The following POLR3B variants were observed in gnomAD, a reference collection of about 807,000 sequenced individuals.
The protein encoded by POLR3B is DNA-directed RNA polymerase III subunit RPC2.
POLR3B carries 96 observed loss-of-function variants against 147.4 expected under a neutral mutation model. The ratio of observed to expected loss-of-function variants is 0.65; its 90% CI spans 0.55 to 0.77. The LOEUF (loss-of-function observed/expected upper bound fraction) is 0.77, where lower values mean the gene tolerates loss of function less well. Ranked by LOEUF, POLR3B falls within the 30% of genes least tolerant of loss-of-function variation. The pLI is 0.00. For synonymous variants in POLR3B, 461 were observed against 485.9 expected (o/e 0.95, Z 0.67); for missense variants, 1,036 against 1,413.5 (o/e 0.73, Z 4.28).
chr12:106,403,196 G>T (rs1157196599), intron 10 of POLR3B, among the ~76,000 whole-genome samples: 1 of 151,778 alleles, frequency 6.6e-6, no homozygotes, highest in Non-Finnish European at 1.5e-5. Context: ...GCAGCCAAAA[G>T]ACACATGAAA....
Position 106,377,947 on chromosome 12 carries a change from G to A in POLR3B, c.497-320G>A, listed in dbSNP as rs145436171. ...TACAAAAAATTTAAAAATTAGCTAC[G>A]TGTGGTGGCACATGCCTCTAGTCCT... is the stretch of plus-strand genomic sequence containing the variant. On this transcript the variant is annotated intron_variant, in intron 7 of 27. Coordinates refer to ENST00000228347, the MANE Select transcript of POLR3B (RefSeq NM_018082.6). 5.3e-5 allele frequency among the ~76,000 whole-genome samples: 8 copies of A among 152,236 alleles called. No homozygotes were observed. In the East Asian group the frequency reaches 5.8e-4, roughly 11 times the overall value.
At chr12:106,397,636 A>C (rs1023873696) in intron 10 of POLR3B, among the ~76,000 whole-genome samples, 3 of 152,168 alleles carry the variant, frequency 2.0e-5, no homozygotes, top group African/African-American at 7.2e-5. Context: ...AGATTCATCC[A>C]AGTTATTTCT....
intron 19 of POLR3B, among the ~76,000 whole-genome samples, chr12:106,447,573 A>G (rs1341275882): frequency 6.6e-6 from 1 of 152,188 alleles, no homozygotes. Context: ...TCACTCGCTC[A>G]GCACTACCAG....
chr12:106,419,955 A>G (rs958136685), intron 12 of POLR3B, among the ~76,000 whole-genome samples: 4 of 151,948 alleles, frequency 2.6e-5, no homozygotes, highest in African/African-American at 9.7e-5. Flanking sequence ...GGACTTGGCT[A>G]TTTGATTCTT....
intron 9 of POLR3B, among the ~76,000 whole-genome samples, chr12:106,384,992 A>G (rs2036815738): frequency 6.6e-6 from 1 of 151,912 alleles, no homozygotes; most frequent in East Asian, 1.9e-4. Context: ...CGCCCAGCTA[A>G]TTTTTGTATT....
intron 10 of POLR3B, among the ~76,000 whole-genome samples, chr12:106,400,392 T>C (rs534792092): frequency 6.6e-6 from 1 of 152,226 alleles, no homozygotes; most frequent in African/African-American, 2.4e-5. Flanking sequence ...ATGGGAGACT[T>C]TAACACCCCA....
rs144860787 is a variant in POLR3B at position 106,477,832 on chromosome 12, C to T, written c.2713+14212C>T. Among the ~76,000 whole-genome samples the T allele has an allele frequency of 6.8e-3, 1,028 of 150,152 alleles. 8 individuals are homozygous for T. The highest frequency in any genetic ancestry group is 0.024 in the African/African-American group (981 of 40,412). ...CAGAAATCACCCGTCTTCTGCGTCG[C>T]TCACGGGCTGGGAGCTGTAGACGGG... is the stretch of plus-strand genomic sequence containing the variant. On this transcript the variant is annotated intron_variant, in intron 23 of 27. Transcript: ENST00000228347.
At chr12:106,410,783 A>G in intron 11 of POLR3B, 43 bp from the exon 12 acceptor site, 1 of 1,573,978 alleles carries the variant, frequency 6.4e-7, no homozygotes, top group Non-Finnish European at 8.7e-7. Flanking sequence ...TTAAATTTTA[A>G]TGTCCATTTT....
chr12:106,405,713 C>T (rs1480089529), intron 10 of POLR3B, 144 bp from the exon 11 acceptor site: 5 of 757,128 alleles, frequency 6.6e-6, no homozygotes, highest in South Asian at 1.6e-5. Flanking sequence ...TTATGATAAA[C>T]GTTGATTTTC....
At chr12:106,429,458 ATACTGTTTTC>A (rs1381901355) in intron 13 of POLR3B, among the ~76,000 whole-genome samples, 1 of 152,124 alleles carries the variant, frequency 6.6e-6, no homozygotes, top group African/African-American at 2.4e-5. Flanking sequence ...TTTTTGATGA[ATACTGTTTTC>A]TACTGTTAAT....
intron 23 of POLR3B, among the ~76,000 whole-genome samples, chr12:106,492,703 A>G (rs185092880): frequency 6.6e-6 from 1 of 152,370 alleles, no homozygotes; most frequent in East Asian, 1.9e-4. Flanking sequence ...AGCATGATAC[A>G]GAGAGCTGTG....
chr12:106,433,860 G>A lies in POLR3B; in HGVS notation c.1769G>A (p.Gly590Glu), dbSNP rs2037541422. The A allele has an allele frequency of 6.2e-7, 1 of 1,613,286 alleles. No homozygotes were observed. Among genetic ancestry groups the A allele is most frequent in the Admixed American group, 1.7e-5 (1 of 59,982 alleles). ...TGTGTCTATATTTCTTCTGATGGGG[G>A]AAGGCTATGCAGGTATATATGCAGG... is the stretch of plus-strand genomic sequence containing the variant. ...DRCVYISSDGGRLCRPYIIVK... is the reference protein window; with the variant it reads ...DRCVYISSDGERLCRPYIIVK... The change falls in exon 16 of 28, where the codon GGA becomes GAA. Residue 590 changes from glycine to glutamate, a missense_variant. Coordinates refer to ENST00000228347, the MANE Select transcript of POLR3B (RefSeq NM_018082.6).
intron 23 of POLR3B, among the ~76,000 whole-genome samples, chr12:106,480,275 C>T (rs982443691): frequency 5.3e-5 from 8 of 152,226 alleles, no homozygotes; most frequent in Admixed American, 3.3e-4. Flanking sequence ...TACCCCTGAA[C>T]CCTAGAAAGC....
chr12:106,483,740 T>G (rs537122516), intron 23 of POLR3B, among the ~76,000 whole-genome samples: 1 of 152,332 alleles, frequency 6.6e-6, no homozygotes, highest in African/African-American at 2.4e-5. Context: ...TCTGATAGTT[T>G]TCTTGAGTCA....
At chr12:106,384,729 G>A (rs1163974032) in intron 9 of POLR3B, among the ~76,000 whole-genome samples, 2 of 152,138 alleles carry the variant, frequency 1.3e-5, no homozygotes, top group African/African-American at 2.4e-5. Flanking sequence ...GTGCCTTCTG[G>A]AGAAAATATG....
At chr12:106,379,290 C>A (rs370492643) in intron 8 of POLR3B, among the ~76,000 whole-genome samples, 1 of 152,182 alleles carries the variant, frequency 6.6e-6, no homozygotes, top group Non-Finnish European at 1.5e-5. Context: ...AACTTTGGAG[C>A]CAAGGCAATT....
intron 18 of POLR3B, among the ~76,000 whole-genome samples, chr12:106,443,768 G>T (rs377460992): frequency 6.6e-6 from 1 of 152,214 alleles, no homozygotes; most frequent in East Asian, 1.9e-4. Flanking sequence ...TGATCCACCT[G>T]CCTCGGCCTC....
intron 18 of POLR3B, among the ~76,000 whole-genome samples, chr12:106,439,953 G>A (rs1467917211): frequency 6.6e-6 from 1 of 152,104 alleles, no homozygotes; most frequent in Non-Finnish European, 1.5e-5. Flanking sequence ...CAGCTACTTG[G>A]GAGGCTGAGG....
chr12:106,449,762 C>A (rs1290307128), intron 19 of POLR3B, among the ~76,000 whole-genome samples: 1 of 152,038 alleles, frequency 6.6e-6, no homozygotes, highest in Admixed American at 6.6e-5. Context: ...AAAAGAAAAT[C>A]CATATATGAG....
Sources: allele counts gnomAD v4.1 joint callset (sites outside exome capture counted in the v4.1 genomes callset), GRCh38; gene constraint gnomAD v4.1.1; transcripts MANE v1.5; gene names NCBI Gene and HGNC (gene_info 2026-07-23, HGNC 2026-07-21).